Variants in PCNT observed in about 807,000 individuals in gnomAD.
The protein encoded by PCNT is kendrin.
In PCNT, 319 loss-of-function variants were observed where a neutral mutation model predicts 380.4. The observed-to-expected ratio is 0.84, with a 90% CI of 0.77 to 0.92. PCNT has a LOEUF of 0.92. Among genes scored for constraint, PCNT ranks in the 40% least tolerant of loss-of-function variants. PCNT has a pLI of 0.00. For synonymous variants in PCNT, 1,845 were observed against 1,735.2 expected, an observed-to-expected ratio of 1.06 and a Z score of -1.57; for missense variants, 4,400 against 4,255.3, an observed-to-expected ratio of 1.03 and a Z score of -0.95.
chr21:46,365,299 GGGGTTCTATTCACTGCCA>G, intron 14 of PCNT, among the ~76,000 whole-genome samples: 2 of 107,392 alleles, frequency 1.9e-5, no homozygotes, highest in South Asian at 3.2e-4. Context: ...TCACTGCCAT[GGGGTTCTATTCACTGCCA>G]TGGGGTTCTA....
intron 3 of PCNT, among the ~76,000 whole-genome samples, chr21:46,340,314 C>G (rs186670576): frequency 6.6e-6 from 1 of 152,304 alleles, no homozygotes; most frequent in East Asian, 1.9e-4. Context: ...AGCTACAAGT[C>G]AAGATGAGAT....
intron 29 of PCNT, 76 bp from the exon 30 acceptor site, chr21:46,415,993 A>G: frequency 7.0e-7 from 1 of 1,430,976 alleles, no homozygotes; most frequent in East Asian, 2.3e-5. Context: ...CCTGAAATCC[A>G]CTCATTAACA....
In PCNT at chr21:46,431,843, G is replaced by A; in HGVS notation, c.8379G>A (p.Lys2793=). 6.2e-7 allele frequency: 1 copy of A among 1,613,964 alleles called. No individual in the cohort carries two copies. The highest frequency in any genetic ancestry group is 8.5e-7 in the Non-Finnish European group (1 of 1,180,032). ...DTQAHHALLQ[K]LKEEKSRVVD... ...AGGCCCATCACGCTCTGCTGCAGAAGCTGAAGGAGGAGAAGTCCCGGGTGG... is the reference window on the plus strand; with the variant it reads ...AGGCCCATCACGCTCTGCTGCAGAAACTGAAGGAGGAGAAGTCCCGGGTGG... The change falls in exon 38 of 47, where the codon AAG becomes AAA. Residue 2793 remains lysine, a synonymous_variant. Coordinates refer to ENST00000359568, the MANE Select transcript of PCNT (RefSeq NM_006031.6).
chr21:46,410,235 A>T (rs559492669), intron 27 of PCNT, among the ~76,000 whole-genome samples: 22 of 152,226 alleles, frequency 1.4e-4, no homozygotes, highest in African/African-American at 4.8e-4. Flanking sequence ...TGGTAAATGC[A>T]TAGGAAGGTG....
At position 46,412,016 on chromosome 21, in the gene PCNT, C is replaced by T. The variant is rs749511173; in HGVS notation, c.5943C>T (p.Asp1981=). 15 of 1,607,692 alleles carry T rather than the reference C, an allele frequency of 9.3e-6. 1 individual carries two copies. Among genetic ancestry groups the T allele is most frequent in the Admixed American group, 6.7e-5 (4 of 59,988 alleles). ...DGGAKAQVTG[D]VEASHDAALE... The stretch of plus-strand genomic sequence containing the variant: ...GCGCCAAGGCCCAGGTCACCGGCGA[C>T]GTGGAGGCCTCCCATGATGCTGCTT... The change falls in exon 28 of 47, where the codon GAC becomes GAT. Residue 1981 remains aspartate, a synonymous_variant. Coordinates refer to ENST00000359568, the MANE Select transcript of PCNT (RefSeq NM_006031.6).
rs552854585 is a variant in PCNT, at chr21:46,380,145, A to AT, written c.3166-1511dup. ...GTTTCCAACCGGTGCCCTGGGGTAG[A>AT]TTTTTTTTTTTTTTTTTTTTTTTTT... is the stretch of plus-strand genomic sequence containing the variant. On this transcript the variant is annotated intron_variant, in intron 15 of 46. Transcript: ENST00000359568. Among the ~76,000 whole-genome samples the AT allele has an allele frequency of 2.8e-3, 168 of 59,708 alleles. 26 individuals are homozygous for AT. The highest frequency in any genetic ancestry group is 7.1e-3 in the African/African-American group (90 of 12,678). 39.2% of individuals were successfully genotyped at this position (59,708 alleles called of 152,430 possible).
Position 46,435,972 on chromosome 21 carries a change from C to T in PCNT, c.8820C>T (p.Asp2940=), listed in dbSNP as rs797045882. The T allele has an allele frequency of 1.2e-6, 2 of 1,614,180 alleles. No individual in the cohort carries two copies. Among genetic ancestry groups the T allele is most frequent in the Non-Finnish European group, 1.7e-6 (2 of 1,180,016 alleles). ...KIKQLQQTVR[D]LESKDEVPGS... ...AGCAGCTTCAGCAGACAGTGAGAGA[C>T]CTGGAGTCGAAGGACGAGGTGCCTG... Residue 2940 remains aspartate, a synonymous_variant, in exon 39 of 47, where the codon GAC becomes GAT. Transcript: ENST00000359568.
intron 33 of PCNT, among the ~76,000 whole-genome samples, chr21:46,426,494 T>G (rs1468442841): frequency 6.6e-6 from 1 of 152,216 alleles, no homozygotes; most frequent in Non-Finnish European, 1.5e-5. Context: ...GTGCCCTGTG[T>G]GAGCCTGCGG....
intron 15 of PCNT, among the ~76,000 whole-genome samples, chr21:46,371,502 A>G (rs2085126030): frequency 6.6e-6 from 1 of 152,076 alleles, no homozygotes; most frequent in Non-Finnish European, 1.5e-5. Context: ...GTAGTTACTT[A>G]CTTTTTCAGT....
At chr21:46,410,104 C>G (rs1019194150) in intron 27 of PCNT, among the ~76,000 whole-genome samples, 1 of 152,248 alleles carries the variant, frequency 6.6e-6, no homozygotes, top group African/African-American at 2.4e-5. Flanking sequence ...CTGTAGAGTA[C>G]AGAGACAACG....
intron 27 of PCNT, among the ~76,000 whole-genome samples, chr21:46,403,897 G>A (rs1338934131): frequency 6.9e-6 from 1 of 144,988 alleles, no homozygotes; most frequent in Non-Finnish European, 1.5e-5. Context: ...TGAACACAGC[G>A]TGGGAGAATT....
rs2053593497 is a variant in PCNT at position 46,440,995 on chromosome 21, G to T, written c.9534G>T (p.Gly3178=). The stretch of plus-strand genomic sequence containing the variant: ...CACTCTCCATGATTGCCCATTTGGG[G>T]GTATTTCCTTCCAAAGCAGAACGGA... ...QETLSMIAHL[G]VFPSKAERKI... Residue 3178 remains glycine, a synonymous_variant, in exon 43 of 47, where the codon GGG becomes GGT. Coordinates refer to ENST00000359568, the MANE Select transcript of PCNT (RefSeq NM_006031.6). 2 of 1,613,938 alleles carry T rather than the reference G, an allele frequency of 1.2e-6. No homozygotes were observed. The highest frequency in any genetic ancestry group is 1.7e-6 in the Non-Finnish European group (2 of 1,179,838).
chr21:46,383,988 G>C (rs1601912514), intron 16 of PCNT, among the ~76,000 whole-genome samples: 2 of 145,838 alleles, frequency 1.4e-5, no homozygotes, highest in South Asian at 4.6e-4. Flanking sequence ...TCACCATGTT[G>C]TATATTCAGT....
chr21:46,384,658 C>T lies in PCNT; in HGVS notation c.3313-1174C>T, dbSNP rs114700217. Among the ~76,000 whole-genome samples the T allele has an allele frequency of 3.8e-3, 529 of 140,004 alleles. 45 individuals carry two copies. Among genetic ancestry groups the T allele is most frequent in the African/African-American group, 0.013 (486 of 37,550 alleles). The allele number at this position is 140,004 out of a possible 152,430, so 91.8% of individuals were successfully genotyped here. Reference sequence around the variant, plus strand: ...GCATTCAGGGGCGGAAGTGCATTCACGGTATTGTGCATAGTTCAGTGGCAG... The same window carrying T: ...GCATTCAGGGGCGGAAGTGCATTCATGGTATTGTGCATAGTTCAGTGGCAG... On this transcript the variant is annotated intron_variant, in intron 16 of 46. Transcript: ENST00000359568.
At chr21:46,412,469 T>C (rs1312091726) in intron 28 of PCNT, among the ~76,000 whole-genome samples, 1 of 152,130 alleles carries the variant, frequency 6.6e-6, no homozygotes, top group East Asian at 1.9e-4. Flanking sequence ...AGCTCTTCTT[T>C]TGGAGCTGGA....
chr21:46,411,446 G>T lies in PCNT; in HGVS notation c.5373G>T (p.Glu1791Asp), dbSNP rs1392628191. 6.2e-7 allele frequency: 1 copy of T among 1,611,168 alleles called. No homozygotes were observed. Among genetic ancestry groups the T allele is most frequent in the African/African-American group, 1.3e-5 (1 of 74,920 alleles). Residue 1791 changes from glutamate (E) to aspartate (D), a missense_variant, in exon 28 of 47, where the codon GAG becomes GAT. Physicochemically the swap from Glu to Asp is conservative, Grantham distance 45 (BLOSUM62 2). Transcript: ENST00000359568. ...CTCGTGGGCAGGCCCTACAGGGCGA[G>T]CTCGAGGCTGCGCTGGAAGCCAAGG... The part of the protein sequence containing the change: ...GGPRGQALQG[E>D]LEAALEAKEA...
At chr21:46,324,308 G>C in intron 1 of PCNT, 26 bp downstream of exon 1, 1 of 1,583,742 alleles carries the variant, frequency 6.3e-7, no homozygotes. Flanking sequence ...TTCTTCTCTA[G>C]CTGCTCTGGC....
In PCNT at chr21:46,383,924, G is replaced by A. The variant is rs1380074517; in HGVS notation, c.3313-1908G>A. The stretch of plus-strand genomic sequence containing the variant: ...CAGAAGCGCATTCACAGTGTTGTGC[G>A]TTCAGTGGCAGAAGCGCATTCACAG... On this transcript the variant is annotated intron_variant, in intron 16 of 46. Coordinates refer to ENST00000359568, the MANE Select transcript of PCNT (RefSeq NM_006031.6). 2.1e-4 allele frequency among the ~76,000 whole-genome samples: 27 copies of A among 125,782 alleles called. 2 individuals are homozygous for A. The highest frequency in any genetic ancestry group is 6.3e-4 in the African/African-American group (21 of 33,470). 82.5% of individuals were successfully genotyped at this position (125,782 alleles called of 152,430 possible).
intron 16 of PCNT, 58 bp downstream of exon 16, chr21:46,381,898 C>G: frequency 4.4e-6 from 7 of 1,579,290 alleles, no homozygotes; most frequent in Non-Finnish European, 1.7e-6. Context: ...AAATCATTTT[C>G]ACTTTATTTC....
Sources: allele counts gnomAD v4.1 joint callset (sites outside exome capture counted in the v4.1 genomes callset), GRCh38; gene constraint gnomAD v4.1.1; transcripts MANE v1.5; gene names NCBI Gene and HGNC (gene_info 2026-07-23, HGNC 2026-07-21).